Variants in SNX29 observed in about 807,000 individuals in gnomAD.
SNX29 encodes sorting nexin 29.
Under a neutral mutation model 102.1 loss-of-function variants are expected in SNX29, and 78 were observed. The ratio of observed to expected loss-of-function variants is 0.76; its 90% CI spans 0.64 to 0.92. SNX29 has a LOEUF of 0.92. Ranked by LOEUF, SNX29 falls within the 40% of genes least tolerant of loss-of-function variation. SNX29 has a pLI of 0.00. For missense variants in SNX29, 1,280 were observed against 1,061.7 expected (o/e 1.21, Z -2.86); for synonymous variants, 580 against 414.5 (o/e 1.40, Z -4.85).
At chr16:12,087,746 C>A in intron 11 of SNX29, 1 of 416,648 alleles carries the variant, frequency 2.4e-6, no homozygotes. Context: ...GTCACTGAGG[C>A]AGAGGCCAAA....
At chr16:12,119,703 C>T (rs932626610) in intron 11 of SNX29, among the ~76,000 whole-genome samples, 2 of 152,186 alleles carry the variant, frequency 1.3e-5, no homozygotes, top group African/African-American at 4.8e-5. Flanking sequence ...CGGGCTGGGC[C>T]TGGCACTGCC....
chr16:12,273,902 AGCGTGAGTCT>A (rs1328419551), intron 14 of SNX29, among the ~76,000 whole-genome samples: 1 of 152,184 alleles, frequency 6.6e-6, no homozygotes, highest in African/African-American at 2.4e-5. Context: ...TCTGTGTTGC[AGCGTGAGTCT>A]GCTCTTCATT....
chr16:12,273,845 C>G (rs2079164223), intron 14 of SNX29, among the ~76,000 whole-genome samples: 1 of 152,222 alleles, frequency 6.6e-6, no homozygotes, highest in Admixed American at 6.5e-5. Flanking sequence ...AATCTGCAGC[C>G]TTTCGGATCT....
At chr16:12,368,833 G>A (rs768140599) in intron 16 of SNX29, among the ~76,000 whole-genome samples, 6 of 152,244 alleles carry the variant, frequency 3.9e-5, no homozygotes, top group Non-Finnish European at 8.8e-5. Flanking sequence ...TTCTCCTGGG[G>A]CTCACGTGCC....
chr16:12,110,980 C>G (rs2053479854), intron 11 of SNX29, among the ~76,000 whole-genome samples: 1 of 151,950 alleles, frequency 6.6e-6, no homozygotes, highest in Non-Finnish European at 1.5e-5. Flanking sequence ...CCACGCCTGG[C>G]TAATTTCTTA....
chr16:12,263,801 C>G (rs1414261139), intron 14 of SNX29, among the ~76,000 whole-genome samples: 1 of 152,144 alleles, frequency 6.6e-6, no homozygotes, highest in African/African-American at 2.4e-5. Flanking sequence ...CAGTCAGGCT[C>G]AAGTGAGGTA....
At chr16:12,527,441 C>T (rs1271653925) in intron 20 of SNX29, 2 of 432,282 alleles carry the variant, frequency 4.6e-6, no homozygotes, top group East Asian at 4.1e-5. Flanking sequence ...CAGATTTTCT[C>T]CTTGGTTCTT....
chr16:12,351,955 C>T (rs990956983), intron 15 of SNX29, among the ~76,000 whole-genome samples: 2 of 152,116 alleles, frequency 1.3e-5, no homozygotes, highest in African/African-American at 4.8e-5. Flanking sequence ...GAGATACTTA[C>T]CCAGTCCCCT....
chr16:12,387,404 G>A (rs1429914063), intron 16 of SNX29, among the ~76,000 whole-genome samples: 5 of 152,256 alleles, frequency 3.3e-5, no homozygotes, highest in African/African-American at 4.8e-5. Flanking sequence ...GAGGAGAATC[G>A]TTGGCGTCTC....
chr16:12,217,000 G>A (rs142934547), intron 14 of SNX29, among the ~76,000 whole-genome samples: 1 of 152,224 alleles, frequency 6.6e-6, no homozygotes, highest in African/African-American at 2.4e-5. Context: ...AACACAAAAA[G>A]AATGGGTATT....
At chr16:12,352,822 T>C (rs1203928007) in intron 15 of SNX29, among the ~76,000 whole-genome samples, 2 of 152,232 alleles carry the variant, frequency 1.3e-5, no homozygotes, top group South Asian at 2.1e-4. Context: ...TTTTGATTTG[T>C]CACTGTCATA....
chr16:12,564,993 AG>A (rs1322631054), intron 20 of SNX29, among the ~76,000 whole-genome samples: 4 of 151,588 alleles, frequency 2.6e-5, no homozygotes, highest in African/African-American at 7.3e-5. Context: ...TTCCGACTAC[AG>A]CCCATGTCTC....
intron 20 of SNX29, among the ~76,000 whole-genome samples, chr16:12,529,985 A>G (rs575575852): frequency 6.6e-6 from 1 of 152,324 alleles, no homozygotes; most frequent in East Asian, 1.9e-4. Context: ...TCAAAGCTGC[A>G]GGCATATTGG....
intron 11 of SNX29, among the ~76,000 whole-genome samples, chr16:12,083,110 G>A (rs1334911027): frequency 1.3e-5 from 2 of 151,992 alleles, no homozygotes; most frequent in Non-Finnish European, 2.9e-5. Flanking sequence ...TTCAAAACCA[G>A]CCTGGCCAAC....
chr16:12,184,498 G>A (rs1419234097), intron 13 of SNX29, among the ~76,000 whole-genome samples: 1 of 152,188 alleles, frequency 6.6e-6, no homozygotes, highest in African/African-American at 2.4e-5. Flanking sequence ...CCTGCTGGTA[G>A]CCTTATTTCC....
At chr16:11,999,551 G>A (rs563772943) in intron 2 of SNX29, among the ~76,000 whole-genome samples, 193 bp downstream of exon 2, 1 of 152,304 alleles carries the variant, frequency 6.6e-6, no homozygotes, top group East Asian at 1.9e-4. Flanking sequence ...AGGAAGTCCT[G>A]TGTCTTGAAT....
intron 13 of SNX29, among the ~76,000 whole-genome samples, chr16:12,152,306 G>A (rs1215556670): frequency 2.0e-5 from 3 of 152,094 alleles, no homozygotes; most frequent in African/African-American, 7.2e-5. Flanking sequence ...GTTAAGAGGT[G>A]GTACCAAGCA....
In SNX29 at chr16:12,204,230, T is replaced by C. The variant is rs1013416473; in HGVS notation, c.1678+4547T>C. On this transcript the variant is annotated intron_variant, in intron 14 of 20. Coordinates refer to ENST00000566228, the MANE Select transcript of SNX29 (RefSeq NM_032167.5). Reference sequence around the variant, plus strand: ...TGTGCCTGGCGTGACAGTCCTACCCTGGACTTTTTGGTAATAGGGGCAGTC... The same window carrying C: ...TGTGCCTGGCGTGACAGTCCTACCCCGGACTTTTTGGTAATAGGGGCAGTC... 3.7e-4 allele frequency among the ~76,000 whole-genome samples: 57 copies of C among 152,222 alleles called. 2 individuals are homozygous for C. The highest frequency in any genetic ancestry group is 7.3e-5 in the Non-Finnish European group (5 of 68,036).
chr16:12,369,782 C>T (rs913923922), intron 16 of SNX29, among the ~76,000 whole-genome samples: 2 of 152,236 alleles, frequency 1.3e-5, no homozygotes, highest in Non-Finnish European at 2.9e-5. Context: ...AGTCTTCTAA[C>T]TAAATACATT....
Sources: allele counts gnomAD v4.1 joint callset (sites outside exome capture counted in the v4.1 genomes callset), GRCh38; gene constraint gnomAD v4.1.1; transcripts MANE v1.5; gene names NCBI Gene and HGNC (gene_info 2026-07-23, HGNC 2026-07-21).